Variants in SPEN observed in about 807,000 individuals in gnomAD.
SPEN encodes msx2-interacting protein.
Under a neutral mutation model 269.9 loss-of-function variants are expected in SPEN, and 18 were observed. The observed-to-expected ratio is 0.07, with a 90% CI of 0.05 to 0.10. SPEN has a LOEUF of 0.10. SPEN is among the 10% of genes least tolerant of loss of function. The pLI, the probability that SPEN is intolerant of heterozygous loss-of-function variation, is 1.00. For missense variants in SPEN, 3,822 were observed against 4,631.2 expected, an observed-to-expected ratio of 0.83 and a Z score of 5.07; for synonymous variants, 1,726 against 1,765.7, an observed-to-expected ratio of 0.98 and a Z score of 0.56.
intron 11 of SPEN, 136 bp downstream of exon 11, chr1:15,936,402 A>G: frequency 7.6e-7 from 1 of 1,313,798 alleles, no homozygotes; most frequent in Non-Finnish European, 9.7e-7. Context: ...GCACTGTGGG[A>G]GGCCCAGATG....
chr1:15,876,832 A>G (rs2070635842), intron 3 of SPEN, 154 bp downstream of exon 3: 2 of 669,846 alleles, frequency 3.0e-6, no homozygotes, highest in Non-Finnish European at 2.6e-6. Context: ...TGGCCATTGA[A>G]TTAACTGTTC....
intron 10 of SPEN, among the ~76,000 whole-genome samples, chr1:15,927,013 G>T (rs1004412136): frequency 4.6e-5 from 7 of 152,320 alleles, no homozygotes; most frequent in Middle Eastern, 3.4e-3. Context: ...TTCTTTCAGC[G>T]AGCTACTAAT....
chr1:15,909,707 G>A (rs1357195218), intron 4 of SPEN, among the ~76,000 whole-genome samples: 1 of 152,108 alleles, frequency 6.6e-6, no homozygotes, highest in Admixed American at 6.6e-5. Context: ...GTAATATACT[G>A]TTACTCCTAC....
intron 5 of SPEN, among the ~76,000 whole-genome samples, chr1:15,914,104 C>G (rs1353985047): frequency 1.3e-5 from 2 of 152,086 alleles, no homozygotes; most frequent in Non-Finnish European, 2.9e-5. Context: ...TATATGGAGA[C>G]AGCTATTATG....
At position 15,933,279 on chromosome 1, in the gene SPEN, A is replaced by G; in HGVS notation, c.7039A>G (p.Lys2347Glu). 1 of 1,614,138 alleles carries G rather than the reference A, an allele frequency of 6.2e-7. No individual in the cohort carries two copies. The highest frequency in any genetic ancestry group is 8.5e-7 in the Non-Finnish European group (1 of 1,180,040). ...RSRRKRNTNK[K>E]VVAPVESHVP... The stretch of plus-strand genomic sequence containing the variant: ...ACGCCGCAAGCGAAACACAAACAAG[A>G]AAGTGGTGGCTCCTGTAGAGAGCCA... The change falls in exon 11 of 15, where the codon AAA (lysine) becomes GAA (glutamate). Residue 2347 changes from lysine to glutamate, a missense_variant. By Grantham distance (56) the Lys-to-Glu change is moderately conservative. This residue lies in a region of SPEN where 727 missense variants were observed against 737.9 expected (regional missense o/e 0.99). Coordinates refer to ENST00000375759, the MANE Select transcript of SPEN (RefSeq NM_015001.3). The surrounding 1 kb of genome is among the most constrained non-coding windows in gnomAD (Gnocchi z 5.7).
intron 1 of SPEN, among the ~76,000 whole-genome samples, chr1:15,869,230 G>A (rs2070548724): frequency 6.6e-6 from 1 of 151,666 alleles, no homozygotes; most frequent in Non-Finnish European, 1.5e-5. Context: ...CTAATTTTTT[G>A]CGTTTTAGTA....
At position 15,935,472 on chromosome 1, in the gene SPEN, A is replaced by C; in HGVS notation, c.9232A>C (p.Ile3078Leu). Residue 3078 changes from isoleucine (I) to leucine (L), a missense_variant, in exon 11 of 15, where the codon ATC becomes CTC. This residue lies in a region of SPEN where 153 missense variants were observed against 228.5 expected (regional missense o/e 0.67). Transcript: ENST00000375759. This position sits in a 1 kb window ranked among gnomAD's most constrained non-coding sequence, Gnocchi z 7.7. ...ISSIHPEQSV[I>L]MPPHSITQTV... ...CAGCATCCACCCAGAGCAGTCTGTC[A>C]TCATGCCACCCCACAGCATCACCCA... 6.2e-7 allele frequency: 1 copy of C among 1,613,988 alleles called. No individual in the cohort carries two copies. The highest frequency in any genetic ancestry group is 2.2e-5 in the East Asian group (1 of 44,854).
chr1:15,848,469 CGGT>C lies in SPEN; in HGVS notation c.83+322_83+324del, dbSNP rs555171290. 1.7e-3 allele frequency among the ~76,000 whole-genome samples: 254 copies of C among 151,918 alleles called. 1 individual carries two copies. The highest frequency in any genetic ancestry group is 5.8e-3 in the African/African-American group (241 of 41,514). ...GCTGCCCTCGCGTCAGCCCGGGAGT[CGGT>C]GGGAGATGCGCTGGGCGGCGGGGTC... is the stretch of plus-strand genomic sequence containing the variant. On this transcript the variant is annotated intron_variant, in intron 1 of 14. Coordinates refer to ENST00000375759, the MANE Select transcript of SPEN (RefSeq NM_015001.3). The surrounding 1 kb of genome is among the most constrained non-coding windows in gnomAD (Gnocchi z 5.1).
In SPEN at chr1:15,848,379, C is replaced by A. The variant is rs535194953; in HGVS notation, c.83+229C>A. Among the ~76,000 whole-genome samples, 495 of 151,398 alleles carry A rather than the reference C, an allele frequency of 3.3e-3. 1 individual carries two copies. Among genetic ancestry groups the A allele is most frequent in the African/African-American group, 0.011 (450 of 41,468 alleles). ...CGCCTTCGAAGAGCCCGCGGGGCCC[C>A]GGCGGCCGCGTCCGTGACGAGGGAG... On this transcript the variant is annotated intron_variant, in intron 1 of 14. Coordinates refer to ENST00000375759, the MANE Select transcript of SPEN (RefSeq NM_015001.3). The surrounding 1 kb of genome is among the most constrained non-coding windows in gnomAD (Gnocchi z 5.1).
intron 3 of SPEN, 41 bp from the exon 4 acceptor site, chr1:15,909,280 T>C: frequency 6.3e-7 from 1 of 1,575,600 alleles, no homozygotes; most frequent in Non-Finnish European, 8.6e-7. Context: ...CATTTTCTGT[T>C]TGTCTTTTCA....
rs533862339 is a variant in SPEN at position 15,876,459 on chromosome 1, G to A, written c.662G>A (p.Arg221Lys). 1.2e-6 allele frequency: 2 copies of A among 1,614,116 alleles called. No individual in the cohort carries two copies. The highest frequency in any genetic ancestry group is 2.2e-5 in the South Asian group (2 of 91,068). ...AGTGTGGTACACAGGGATATCTACAGGGATGATATTACCCGGGAGGTACGA... is the reference window on the plus strand; with the variant it reads ...AGTGTGGTACACAGGGATATCTACAAGGATGATATTACCCGGGAGGTACGA... Reference protein sequence around the residue: ...LPSVVHRDIYRDDITREVRGR... With the variant: ...LPSVVHRDIYKDDITREVRGR... Residue 221 changes from arginine (R) to lysine (K), a missense_variant, in exon 3 of 15, where the codon AGG (arginine) becomes AAG (lysine). This residue lies in a region of SPEN where 327 missense variants were observed against 350.8 expected (regional missense o/e 0.93). Coordinates refer to ENST00000375759, the MANE Select transcript of SPEN (RefSeq NM_015001.3).
chr1:15,935,708 C>T lies in SPEN; in HGVS notation c.9468C>T (p.Pro3156=), dbSNP rs778229212. The T allele has an allele frequency of 2.2e-5, 36 of 1,613,274 alleles. No homozygotes were observed. The Middle Eastern group carries it at 6.6e-4, about 29-fold the overall frequency. Residue 3156 remains proline, a synonymous_variant, in exon 11 of 15, where the codon CCC becomes CCT. Transcript: ENST00000375759. The surrounding 1 kb of genome is among the most constrained non-coding windows in gnomAD (Gnocchi z 7.7). ...CTGCACTGGCCTCCCAGCACCCTCC[C>T]GAGGAGGAAGTGCATTATCACCTTC... ...GVPALASQHP[P]EEEVHYHLPV... is the part of the protein sequence containing the mutation.
At chr1:15,915,831 T>C (rs2071062208) in intron 5 of SPEN, among the ~76,000 whole-genome samples, 2 of 152,138 alleles carry the variant, frequency 1.3e-5, no homozygotes, top group Admixed American at 6.5e-5. Flanking sequence ...GAGCCACCCT[T>C]CCCAGCTAAT....
In SPEN at chr1:15,932,330, C is replaced by G. The variant is rs770570990; in HGVS notation, c.6090C>G (p.Pro2030=). 1 of 1,613,284 alleles carries G rather than the reference C, an allele frequency of 6.2e-7. No homozygotes were observed. Among genetic ancestry groups the G allele is most frequent in the South Asian group, 1.1e-5 (1 of 90,936 alleles). ...GCGTGAAAGAGAGCTCCATGGAACC[C>G]AAGGCTGCTGAGGAGGAGGCAGGGA... ...QIGVKESSME[P]KAAEEEAGSE... The change falls in exon 11 of 15, where the codon CCC becomes CCG. Residue 2030 remains proline (P), a synonymous_variant. Transcript: ENST00000375759. The surrounding 1 kb of genome is among the most constrained non-coding windows in gnomAD (Gnocchi z 4.2).
At chr1:15,907,237 A>C (rs2070968005) in intron 3 of SPEN, among the ~76,000 whole-genome samples, 2 of 152,098 alleles carry the variant, frequency 1.3e-5, no homozygotes, top group Admixed American at 1.3e-4. Flanking sequence ...TTCCCAGCAC[A>C]TTGGGAGGCT....
intron 3 of SPEN, among the ~76,000 whole-genome samples, chr1:15,896,021 G>A (rs1326237622): frequency 6.6e-6 from 1 of 151,588 alleles, no homozygotes; most frequent in Non-Finnish European, 1.5e-5. Flanking sequence ...ACCACATAAA[G>A]CATATTTAAA....
chr1:15,920,047 A>G (rs1044749600), intron 8 of SPEN, among the ~76,000 whole-genome samples: 1 of 149,110 alleles, frequency 6.7e-6, no homozygotes, highest in African/African-American at 2.4e-5. Flanking sequence ...TACCCTTGAC[A>G]ATGCTTTTTT....
At chr1:15,879,004 C>CAAAAAA (rs3048559) in intron 3 of SPEN, among the ~76,000 whole-genome samples, 3 of 76,560 alleles carry the variant, frequency 3.9e-5, no homozygotes, top group African/African-American at 5.5e-5. Context: ...GACTCTGTCT[C>CAAAAAA]AAAAAAAAAA....
At chr1:15,873,632 A>T (rs1325443409) in intron 2 of SPEN, 1 of 995,640 alleles carries the variant, frequency 1.0e-6, no homozygotes, top group African/African-American at 1.7e-5. Context: ...GACCATAATG[A>T]TTCAACCACT....
Sources: gnomAD v4.1 joint callset for allele counts (sites outside exome capture counted in the v4.1 genomes callset) on GRCh38, gnomAD v4.1.1 for gene constraint, gnomAD v4.1.1 regional missense constraint, Gnocchi (gnomAD v3.1) non-coding constraint, MANE v1.5 for transcripts, NCBI Gene and HGNC (gene_info 2026-07-23, HGNC 2026-07-21) for gene names.